The following BET1L variants were observed in gnomAD, a reference collection of about 807,000 sequenced individuals.
BET1L encodes the protein Bet1 golgi vesicular membrane trafficking protein like.
BET1L carries 13 observed loss-of-function variants against 12.6 expected under a neutral mutation model. The observed-to-expected ratio is 1.03, with a 90% CI of 0.67 to 1.64. The LOEUF is 1.64. Ranked by LOEUF, BET1L falls within the 40% of genes most tolerant of loss-of-function variation. BET1L has a pLI of 0.00. For synonymous variants in BET1L, 60 were observed against 56.9 expected, an observed-to-expected ratio of 1.05 and a Z score of -0.25; for missense variants, 154 against 150.7, an observed-to-expected ratio of 1.02 and a Z score of -0.11.
In BET1L at chr11:205,139, G is replaced by T; in HGVS notation, c.*163C>A. On this transcript the variant is annotated 3_prime_UTR_variant, in exon 4 of 4. Coordinates refer to ENST00000382762, the MANE Select transcript of BET1L (RefSeq NM_001098787.2). Reference sequence around the variant, plus strand: ...GGGACCAGCCAACATGAGCTCATCAGGTCACAGGCAGCCGCAGCCTCCTGC... The same window carrying T: ...GGGACCAGCCAACATGAGCTCATCATGTCACAGGCAGCCGCAGCCTCCTGC... 1.0e-6 allele frequency: 1 copy of T among 974,126 alleles called. No individual in the cohort carries two copies. Among genetic ancestry groups the T allele is most frequent in the Non-Finnish European group, 1.5e-6 (1 of 678,916 alleles). 60.3% of individuals were successfully genotyped at this position (974,126 alleles called of 1,614,324 possible). A position where few individuals can be genotyped will look rare whatever the true frequency, so the allele number is the denominator to read the frequency against.
rs761102030 is a variant in BET1L, at chr11:204,727, A to G, written c.*575T>C. The G allele has an allele frequency of 8.1e-5, 13 of 160,930 alleles. No individual in the cohort carries two copies. The highest frequency in any genetic ancestry group is 1.6e-4 in the Non-Finnish European group (12 of 73,072). 10.0% of individuals were successfully genotyped at this position (160,930 alleles called of 1,614,324 possible). On this transcript the variant is annotated 3_prime_UTR_variant, in exon 4 of 4. Coordinates refer to ENST00000382762, the MANE Select transcript of BET1L (RefSeq NM_001098787.2). Reference sequence around the variant, plus strand: ...ACTTCATCGAAGGCGCAGATAACACAGTAGGGTGGCCTCCACTGGTCTGCC... The same window carrying G: ...ACTTCATCGAAGGCGCAGATAACACGGTAGGGTGGCCTCCACTGGTCTGCC...
Position 205,645 on chromosome 11 carries a change from T to G in BET1L, c.134A>C (p.Asp45Ala). The G allele has an allele frequency of 6.2e-7, 1 of 1,612,040 alleles. No homozygotes were observed. The highest frequency in any genetic ancestry group is 8.5e-7 in the Non-Finnish European group (1 of 1,178,928). ...CAGGTACCGGTTCTGATCCTCTGCA[T>G]CCCTATCGATGTCCAGGGCGAGCTG... ...LKSLALDIDR[D>A]AEDQNRYLDG... The change falls in exon 3 of 4, where the codon GAT (aspartate) becomes GCT (alanine). Residue 45 changes from aspartate (D) to alanine (A), a missense_variant. Physicochemically the swap from Asp to Ala is moderately radical, Grantham distance 126. Transcript: ENST00000382762.
rs556691696 is a variant in BET1L, at chr11:207,359, C to CCACAGCCGCCTCAGACGT, written c.-39_-38insACGTCTGAGGCGGCTGTG. ...CGGCTCCTCGACGCGGACACCGACG[C>CCACAGCCGCCTCAGACGT]GGCCACAGCCGCCTCAGACGTGGCG... On this transcript the variant is annotated 5_prime_UTR_variant, in exon 1 of 4. Coordinates refer to ENST00000382762, the MANE Select transcript of BET1L (RefSeq NM_001098787.2). 3.8e-5 allele frequency: 58 copies of CCACAGCCGCCTCAGACGT among 1,506,518 alleles called. No homozygotes were observed. Among genetic ancestry groups the CCACAGCCGCCTCAGACGT allele is most frequent in the Middle Eastern group, 2.3e-4 (1 of 4,388 alleles). 93.3% of individuals were successfully genotyped at this position (1,506,518 alleles called of 1,614,324 possible).
Position 207,359 on chromosome 11 carries a change from C to A in BET1L, c.-38G>T, listed in dbSNP as rs6144172. On this transcript the variant is annotated 5_prime_UTR_variant, in exon 1 of 4. Transcript: ENST00000382762. ...CGGCTCCTCGACGCGGACACCGACG[C>A]GGCCACAGCCGCCTCAGACGTGGCG... 5 of 1,506,420 alleles carry A rather than the reference C, an allele frequency of 3.3e-6. No homozygotes were observed. In the East Asian group the frequency reaches 1.3e-4, roughly 39 times the overall value. The allele number at this position is 1,506,420 out of a possible 1,614,324, so 93.3% of individuals were successfully genotyped here.
At position 206,007 on chromosome 11, in the gene BET1L, C is replaced by A; in HGVS notation, c.56G>T (p.Arg19Leu). The A allele has an allele frequency of 1.2e-6, 2 of 1,614,026 alleles. No homozygotes were observed. The highest frequency in any genetic ancestry group is 1.1e-5 in the South Asian group (1 of 91,090). The change falls in exon 2 of 4, where the codon CGG becomes CTG. Residue 19 changes from arginine (R) to leucine (L), a missense_variant. Arg to Leu is a moderately radical substitution (Grantham distance 102, BLOSUM62 -2). Transcript: ENST00000382762. ...SPGAVEEILD[R>L]ENKRMADSLA... is the part of the protein sequence containing the mutation. ...GCTGTCAGCCATTCGCTTGTTCTCC[C>A]GGTCTAGAATCTCTTCCACAGCGCC...
At chr11:207,090 T>C (rs1855185210) in intron 1 of BET1L, 4 of 578,636 alleles carry the variant, frequency 6.9e-6, no homozygotes, top group Non-Finnish European at 1.1e-5. Context: ...CTGGAGCTGC[T>C]GGGCCGCCAC....
rs761460601 is a variant in BET1L at position 205,317 on chromosome 11, G to C, written c.321C>G (p.Ser107=). 6.2e-7 allele frequency: 1 copy of C among 1,612,986 alleles called. No individual in the cohort carries two copies. The highest frequency in any genetic ancestry group is 8.5e-7 in the Non-Finnish European group (1 of 1,179,368). Residue 107 remains serine, a synonymous_variant, in exon 4 of 4, where the codon TCC becomes TCG. Coordinates refer to ENST00000382762, the MANE Select transcript of BET1L (RefSeq NM_001098787.2). ...TCCCACTGGCTCACGTCCTTGCCCT[G>C]GACAAGAAGTAGGAGAGGATGAAGA... ...VAFFILSYFL[S]RART is the part of the protein sequence containing the mutation.
chr11:207,382 G>GCCACAGCCGCCTCAGACGTGT lies in BET1L; in HGVS notation c.-62_-61insACACGTCTGAGGCGGCTGTGG. ...CGCGGCCACAGCCGCCTCAGACGTG[G>GCCACAGCCGCCTCAGACGTGT]CGCAGTCGCGGGGAAAGAGCTTCCG... On this transcript the variant is annotated 5_prime_UTR_variant, in exon 1 of 4. Coordinates refer to ENST00000382762, the MANE Select transcript of BET1L (RefSeq NM_001098787.2). 2 of 1,494,740 alleles carry GCCACAGCCGCCTCAGACGTGT rather than the reference G, an allele frequency of 1.3e-6. No homozygotes were observed. The highest frequency in any genetic ancestry group is 1.4e-5 in the African/African-American group (1 of 69,852). 92.6% of individuals were successfully genotyped at this position (1,494,740 alleles called of 1,614,324 possible).
chr11:207,246 AGC>A (rs1855191694), intron 1 of BET1L, 55 bp downstream of exon 1: 1 of 1,508,936 alleles, frequency 6.6e-7, no homozygotes, highest in Non-Finnish European at 8.8e-7. Flanking sequence ...CTCTACAGGC[AGC>A]GGCGTCGGTT....
At position 205,170 on chromosome 11, in the gene BET1L, A is replaced by T; in HGVS notation, c.*132T>A. ...AGGCAGCCGCAGCCTCCTGCCACAC[A>T]GGAAGAAGATTCCTGACCCACAATT... On this transcript the variant is annotated 3_prime_UTR_variant, in exon 4 of 4. Coordinates refer to ENST00000382762, the MANE Select transcript of BET1L (RefSeq NM_001098787.2). 1 of 1,265,624 alleles carries T rather than the reference A, an allele frequency of 7.9e-7. No individual in the cohort carries two copies. The highest frequency in any genetic ancestry group is 1.1e-6 in the Non-Finnish European group (1 of 937,172). The allele number at this position is 1,265,624 out of a possible 1,614,324, so 78.4% of individuals were successfully genotyped here.
At chr11:207,137 C>G in intron 1 of BET1L, 166 bp downstream of exon 1, 1 of 961,126 alleles carries the variant, frequency 1.0e-6, no homozygotes, top group South Asian at 1.9e-5. Context: ...CCGGCCGAAA[C>G]CCGGCCCTGC....
chr11:205,355 G>A lies in BET1L; in HGVS notation c.283C>T (p.Leu95=). The A allele has an allele frequency of 6.2e-7, 1 of 1,614,086 alleles. No individual in the cohort carries two copies. The highest frequency in any genetic ancestry group is 8.5e-7 in the Non-Finnish European group (1 of 1,179,996). The change falls in exon 4 of 4, where the codon CTA becomes TTA. Residue 95 remains leucine, a synonymous_variant. Transcript: ENST00000382762. ...GAGAGGATGAAGAAGGCCACAATTAGACCCACGGCCATGCCACATAGAAGC... is the reference window on the plus strand; with the variant it reads ...GAGAGGATGAAGAAGGCCACAATTAAACCCACGGCCATGCCACATAGAAGC... ...RKLLCGMAVG[L]IVAFFILSYF...
In BET1L at chr11:205,384, C is replaced by T. The variant is rs576178956; in HGVS notation, c.254G>A (p.Arg85Gln). ...CACGGCCATGCCACATAGAAGCTTC[C>T]GGTTGTCTTGTCCGGACCTTGCCAT... ...STMARSGQDN[R>Q]KLLCGMAVGL... Residue 85 changes from arginine (R) to glutamine (Q), a missense_variant, in exon 4 of 4, where the codon CGG (arginine) becomes CAG (glutamine). Physicochemically the swap from Arg to Gln is conservative, Grantham distance 43. Transcript: ENST00000382762. The T allele has an allele frequency of 4.3e-6, 7 of 1,614,162 alleles. No homozygotes were observed. The Admixed American group carries it at 5.0e-5, about 12-fold the overall frequency.
In BET1L at chr11:205,211, T is replaced by C; in HGVS notation, c.*91A>G. 1 of 1,419,928 alleles carries C rather than the reference T, an allele frequency of 7.0e-7. No homozygotes were observed. Among genetic ancestry groups the C allele is most frequent in the East Asian group, 2.5e-5 (1 of 40,798 alleles). 88.0% of individuals were successfully genotyped at this position (1,419,928 alleles called of 1,614,324 possible). A position where few individuals can be genotyped will look rare whatever the true frequency, so the allele number is the denominator to read the frequency against. On this transcript the variant is annotated 3_prime_UTR_variant, in exon 4 of 4. Transcript: ENST00000382762. Reference sequence around the variant, plus strand: ...ACCCACAATTATCATTGCAAAGGAGTATTTTGTAGGTAAGTCCTCTGGAGC... The same window carrying C: ...ACCCACAATTATCATTGCAAAGGAGCATTTTGTAGGTAAGTCCTCTGGAGC...
At chr11:207,120 G>T (rs1415098779) in intron 1 of BET1L, 183 bp downstream of exon 1, 2 of 773,852 alleles carry the variant, frequency 2.6e-6, no homozygotes, top group African/African-American at 1.9e-5. Context: ...CGGTCCTAAC[G>T]GCAGTGCCGG....
Position 207,349 on chromosome 11 carries a change from G to T in BET1L, c.-28C>A. The T allele has an allele frequency of 6.4e-7, 1 of 1,550,718 alleles. No homozygotes were observed. Among genetic ancestry groups the T allele is most frequent in the East Asian group, 2.4e-5 (1 of 41,152 alleles). The stretch of plus-strand genomic sequence containing the variant: ...TGCCCTGCCCCGGCTCCTCGACGCG[G>T]ACACCGACGCGGCCACAGCCGCCTC... On this transcript the variant is annotated 5_prime_UTR_variant, in exon 1 of 4. Transcript: ENST00000382762.
At chr11:206,307 T>C (rs879240088) in intron 1 of BET1L, among the ~76,000 whole-genome samples, 1 of 152,168 alleles carries the variant, frequency 6.6e-6, no homozygotes, top group African/African-American at 2.4e-5. Flanking sequence ...CTTCTGAGAC[T>C]GTGTAGCAAA....
Position 204,940 on chromosome 11 carries a change from G to A in BET1L, c.*362C>T, listed in dbSNP as rs969799388. On this transcript the variant is annotated 3_prime_UTR_variant, in exon 4 of 4. Coordinates refer to ENST00000382762, the MANE Select transcript of BET1L (RefSeq NM_001098787.2). ...GCCTTAAGATGTCAGAGTCCCAAGC[G>A]CGGGGAGAAGGGCTGCAAGCCACAG... The A allele has an allele frequency of 6.5e-5, 18 of 276,872 alleles. No homozygotes were observed. The highest frequency in any genetic ancestry group is 1.1e-4 in the Non-Finnish European group (15 of 140,924). The allele number at this position is 276,872 out of a possible 1,614,324, so 17.2% of individuals were successfully genotyped here.
chr11:205,053 C>T lies in BET1L; in HGVS notation c.*249G>A, dbSNP rs1855116448. ...GCCCCAGCTCTGCCTGGCTCTCTAG[C>T]ACCTGGGGGAGGGGGGAGGGGCTGG... is the stretch of plus-strand genomic sequence containing the variant. On this transcript the variant is annotated 3_prime_UTR_variant, in exon 4 of 4. Transcript: ENST00000382762. 6.7e-6 allele frequency: 3 copies of T among 451,116 alleles called. No individual in the cohort carries two copies. The highest frequency in any genetic ancestry group is 4.0e-5 in the East Asian group (1 of 25,186). The allele number at this position is 451,116 out of a possible 1,614,324, so 27.9% of individuals were successfully genotyped here. A position where few individuals can be genotyped will look rare whatever the true frequency, so the allele number is the denominator to read the frequency against.
Sources: allele counts gnomAD v4.1 joint callset (sites outside exome capture counted in the v4.1 genomes callset), GRCh38; gene constraint gnomAD v4.1.1; transcripts MANE v1.5; gene names NCBI Gene and HGNC (gene_info 2026-07-23, HGNC 2026-07-21).